Variants in R3HDM1 observed in about 807,000 individuals in gnomAD.
The protein encoded by R3HDM1 is R3H domain-containing protein 1.
R3HDM1 carries 46 observed loss-of-function variants against 141.1 expected under a neutral mutation model. The observed-to-expected ratio is 0.33, with a 90% CI of 0.26 to 0.42. The LOEUF is 0.42. Ranked by LOEUF, R3HDM1 falls within the 10% of genes least tolerant of loss-of-function variation. The pLI is 1.00. For missense variants in R3HDM1, 1,184 were observed against 1,368.3 expected, an observed-to-expected ratio of 0.87 and a Z score of 2.12; for synonymous variants, 435 against 472.9, an observed-to-expected ratio of 0.92 and a Z score of 1.04.
intron 19 of R3HDM1, among the ~76,000 whole-genome samples, chr2:135,672,639 A>C (rs1489384838): frequency 6.6e-6 from 1 of 152,122 alleles, no homozygotes. Flanking sequence ...CCTTTTTACT[A>C]CTATTTGTAA....
At chr2:135,683,330 G>A (rs1052090600) in intron 21 of R3HDM1, among the ~76,000 whole-genome samples, 1 of 152,128 alleles carries the variant, frequency 6.6e-6, no homozygotes, top group Non-Finnish European at 1.5e-5. Flanking sequence ...AAGGCAGGCA[G>A]ATCACTTGAG....
At chr2:135,695,117 C>G (rs1319091992) in intron 21 of R3HDM1, among the ~76,000 whole-genome samples, 1 of 152,080 alleles carries the variant, frequency 6.6e-6, no homozygotes, top group African/African-American at 2.4e-5. Context: ...ATCATAAAAG[C>G]AAAACCCAAA....
intron 26 of R3HDM1, among the ~76,000 whole-genome samples, chr2:135,723,279 G>A (rs990230529): frequency 4.6e-5 from 7 of 151,446 alleles, no homozygotes. Flanking sequence ...CCACCAGCAC[G>A]CCCAGCTAAT....
intron 1 of R3HDM1, chr2:135,583,756 G>A: frequency 1.0e-6 from 1 of 985,400 alleles, no homozygotes; most frequent in South Asian, 4.7e-5. Flanking sequence ...ACCTGTAAAG[G>A]TTGAGATCTT....
intron 7 of R3HDM1, among the ~76,000 whole-genome samples, chr2:135,626,186 T>C (rs1209070052): frequency 6.9e-6 from 1 of 144,202 alleles, no homozygotes; most frequent in African/African-American, 2.8e-5. Context: ...CTTGCTTGCG[T>C]GCGTGCGTGC....
intron 1 of R3HDM1, chr2:135,561,425 T>C (rs1278394051): frequency 4.0e-5 from 34 of 853,498 alleles, no homozygotes; most frequent in Non-Finnish European, 4.8e-5. Flanking sequence ...TTTTAAAAAA[T>C]GTTAAGCTTG....
intron 1 of R3HDM1, among the ~76,000 whole-genome samples, chr2:135,593,994 A>G (rs921387512): frequency 1.3e-5 from 2 of 152,212 alleles, no homozygotes; most frequent in Admixed American, 6.5e-5. Flanking sequence ...TCCTGGGATT[A>G]CAGGCATGAG....
chr2:135,616,926 A>T (rs2061073887), intron 5 of R3HDM1, among the ~76,000 whole-genome samples, 169 bp downstream of exon 5: 1 of 152,210 alleles, frequency 6.6e-6, no homozygotes, highest in Non-Finnish European at 1.5e-5. Flanking sequence ...TCTTTGCTTC[A>T]ATCTAAGGCT....
Position 135,651,787 on chromosome 2 carries a change from G to A in R3HDM1, c.1783G>A (p.Asp595Asn). ...GAGTCTTGCTCGCCAGCCATCTGCTGATGGTTCTGACCCTCATGCCGCCAT... is the reference window on the plus strand; with the variant it reads ...GAGTCTTGCTCGCCAGCCATCTGCTAATGGTTCTGACCCTCATGCCGCCAT... The part of the protein sequence containing the change: ...HMSLARQPSA[D>N]GSDPHAAMFQ... The change falls in exon 18 of 27, where the codon GAT becomes AAT. Residue 595 changes from aspartate to asparagine, a missense_variant. By Grantham distance (23) the Asp-to-Asn change is conservative. Around this residue, in one of 5 missense-constraint regions of R3HDM1, gnomAD observed 563 missense variants for 562.0 expected, o/e 1.00. Transcript: ENST00000683871. 6.2e-7 allele frequency: 1 copy of A among 1,613,900 alleles called. No individual in the cohort carries two copies. The highest frequency in any genetic ancestry group is 8.5e-7 in the Non-Finnish European group (1 of 1,179,892).
chr2:135,604,890 A>G lies in R3HDM1; in HGVS notation c.45A>G (p.Thr15=), dbSNP rs778855592. ...DTVTVKDETA[T]MKDLEAEVKD... ...TTACTGTAAAAGATGAAACTGCAACAATGAAGGATTTGGAGGCAGAAGTGA... is the reference window on the plus strand; with the variant it reads ...TTACTGTAAAAGATGAAACTGCAACGATGAAGGATTTGGAGGCAGAAGTGA... Residue 15 remains threonine, a synonymous_variant, in exon 3 of 27, where the codon ACA becomes ACG. Coordinates refer to ENST00000683871, the MANE Select transcript of R3HDM1 (RefSeq NM_001378107.1). 3 of 1,611,644 alleles carry G rather than the reference A, an allele frequency of 1.9e-6. No individual in the cohort carries two copies. The South Asian group carries it at 3.3e-5, about 18-fold the overall frequency.
intron 1 of R3HDM1, among the ~76,000 whole-genome samples, chr2:135,536,991 G>A (rs1294586902): frequency 6.8e-6 from 1 of 146,678 alleles, no homozygotes; most frequent in Non-Finnish European, 1.5e-5. Context: ...TGCACCATCT[G>A]GGGAAAAATT....
chr2:135,581,848 GT>G (rs1440279096), intron 1 of R3HDM1, among the ~76,000 whole-genome samples: 11 of 152,006 alleles, frequency 7.2e-5, no homozygotes, highest in African/African-American at 2.2e-4. Flanking sequence ...AAATCTCTCA[GT>G]TTATGTTCTT....
At chr2:135,676,003 A>G (rs2069120607) in intron 20 of R3HDM1, among the ~76,000 whole-genome samples, 2 of 152,186 alleles carry the variant, frequency 1.3e-5, no homozygotes, top group South Asian at 4.1e-4. Flanking sequence ...CATCCCAAAA[A>G]GCGATGATAT....
rs563670283 is a variant in R3HDM1 at position 135,709,498 on chromosome 2, C to T, written c.2525C>T (p.Pro842Leu). Residue 842 changes from proline to leucine, a missense_variant, in exon 22 of 27, where the codon CCA (proline) becomes CTA (leucine). Transcript: ENST00000683871. ...EQVQFPRTTS[P>L]CSSQQLQGHQ... Reference sequence around the variant, plus strand: ...GTACAATTTCCTCGAACCACTTCACCATGCAGTTCCCAGCAGCTTCAAGGC... The same window carrying T: ...GTACAATTTCCTCGAACCACTTCACTATGCAGTTCCCAGCAGCTTCAAGGC... The T allele has an allele frequency of 5.6e-6, 9 of 1,614,126 alleles. No individual in the cohort carries two copies. Among genetic ancestry groups the T allele is most frequent in the South Asian group, 5.5e-5 (5 of 91,078 alleles).
At chr2:135,604,751 A>G in intron 2 of R3HDM1, 55 bp from the exon 3 acceptor site, 2 of 1,289,956 alleles carry the variant, frequency 1.6e-6, no homozygotes, top group Non-Finnish European at 1.1e-6. Context: ...GGTCAGTATC[A>G]TGCAGTAACT....
chr2:135,709,333 A>G (rs1039106062), intron 21 of R3HDM1, 100 bp from the exon 22 acceptor site: 2 of 1,506,970 alleles, frequency 1.3e-6, no homozygotes, highest in Admixed American at 2.1e-5. Flanking sequence ...TTGGCCTCCC[A>G]AAGTGCTGGG....
intron 1 of R3HDM1, among the ~76,000 whole-genome samples, chr2:135,573,130 A>G (rs527620509): frequency 1.3e-5 from 2 of 152,326 alleles, no homozygotes; most frequent in East Asian, 1.9e-4. Context: ...TACACTTTAA[A>G]TGGGCAATTA....
chr2:135,642,663 G>C (rs1329574731), intron 15 of R3HDM1, among the ~76,000 whole-genome samples: 2 of 152,158 alleles, frequency 1.3e-5, no homozygotes, highest in Non-Finnish European at 2.9e-5. Flanking sequence ...AGATTTAGCT[G>C]ATGTGGTCTC....
At chr2:135,598,983 CTATT>C (rs1356648837) in intron 1 of R3HDM1, among the ~76,000 whole-genome samples, 1 of 152,060 alleles carries the variant, frequency 6.6e-6, no homozygotes, top group East Asian at 1.9e-4. Flanking sequence ...AGTTTTATAA[CTATT>C]TACCTTTAAT....
Sources: allele counts gnomAD v4.1 joint callset (sites outside exome capture counted in the v4.1 genomes callset), GRCh38; gene constraint gnomAD v4.1.1; regional missense constraint gnomAD v4.1.1; transcripts MANE v1.5; gene names NCBI Gene and HGNC (gene_info 2026-07-23, HGNC 2026-07-21).